The following CDC14A variants were observed in gnomAD, a reference collection of about 807,000 sequenced individuals.
The protein encoded by CDC14A is dual specificity protein phosphatase CDC14A.
In CDC14A, 53 loss-of-function variants were observed where a neutral mutation model predicts 74.4. The observed-to-expected ratio is 0.71, with a 90% CI of 0.57 to 0.89. The LOEUF is 0.89. Ranked by LOEUF, CDC14A falls within the 40% of genes least tolerant of loss-of-function variation. The pLI is 0.00. For synonymous variants in CDC14A, 247 were observed against 258.4 expected, an observed-to-expected ratio of 0.96 and a Z score of 0.43; for missense variants, 646 against 713.7, an observed-to-expected ratio of 0.91 and a Z score of 1.08.
At chr1:100,345,892 G>T (rs1392651646) in intron 1 of CDC14A, among the ~76,000 whole-genome samples, 1 of 152,164 alleles carries the variant, frequency 6.6e-6, no homozygotes. Flanking sequence ...TTAGATTACG[G>T]CTGGGGGTGG....
At chr1:100,474,511 TTGAA>T (rs999593378) in intron 10 of CDC14A, among the ~76,000 whole-genome samples, 3 of 152,150 alleles carry the variant, frequency 2.0e-5, no homozygotes, top group Admixed American at 1.3e-4. Flanking sequence ...ATAAGGCTAT[TTGAA>T]TAATCCATTT....
chr1:100,434,378 A>G (rs1664070795), intron 5 of CDC14A, among the ~76,000 whole-genome samples: 1 of 152,334 alleles, frequency 6.6e-6, no homozygotes, highest in Non-Finnish European at 1.5e-5. Context: ...AGATGGGGCC[A>G]GATACCCCCA....
intron 12 of CDC14A, among the ~76,000 whole-genome samples, chr1:100,495,192 A>C (rs543408971): frequency 8.5e-5 from 13 of 152,292 alleles, no homozygotes; most frequent in Admixed American, 5.9e-4. Context: ...CTCTGTTTCA[A>C]ATTCTGTTTG....
chr1:100,384,075 TCC>T (rs1344832286), intron 3 of CDC14A, among the ~76,000 whole-genome samples: 1 of 152,204 alleles, frequency 6.6e-6, no homozygotes, highest in African/African-American at 2.4e-5. Flanking sequence ...TTTTTCTCTC[TCC>T]AAGTTGCTGT....
intron 6 of CDC14A, among the ~76,000 whole-genome samples, chr1:100,441,318 C>CA (rs1468699530): frequency 6.6e-6 from 1 of 152,200 alleles, no homozygotes; most frequent in East Asian, 1.9e-4. Flanking sequence ...GATTGTGCAG[C>CA]ATGTCTTTAA....
At chr1:100,407,687 CT>C (rs1660135610) in intron 4 of CDC14A, among the ~76,000 whole-genome samples, 1 of 152,146 alleles carries the variant, frequency 6.6e-6, no homozygotes, top group Non-Finnish European at 1.5e-5. Flanking sequence ...TTTGAATACC[CT>C]TTATTTCTTT....
intron 2 of CDC14A, among the ~76,000 whole-genome samples, chr1:100,372,924 C>A (rs1288501362): frequency 1.3e-5 from 2 of 152,216 alleles, no homozygotes; most frequent in Non-Finnish European, 2.9e-5. Context: ...TGGCTGGTTT[C>A]ATCTTCTATC....
intron 7 of CDC14A, among the ~76,000 whole-genome samples, chr1:100,453,929 G>A (rs1200838103): frequency 2.6e-5 from 4 of 152,030 alleles, no homozygotes; most frequent in East Asian, 1.9e-4. Flanking sequence ...GGCGCGAGCC[G>A]CCACGCCCAG....
In CDC14A at chr1:100,435,823, TAAA is replaced by T. The variant is rs10545372; in HGVS notation, c.390-4087_390-4085del. ...TGGGCTACAAGAGTGAGACTTCGTC[TAAA>T]AAAAAAAAAAAAAAAAAAAAAGGAA... On this transcript the variant is annotated intron_variant, in intron 5 of 15. Coordinates refer to ENST00000336454, the MANE Select transcript of CDC14A (RefSeq NM_003672.4). Among the ~76,000 whole-genome samples, 420 of 97,912 alleles carry T rather than the reference TAAA, an allele frequency of 4.3e-3. 1 individual carries two copies. The South Asian group carries it at 0.047, about 11-fold the overall frequency. 64.2% of individuals were successfully genotyped at this position (97,912 alleles called of 152,430 possible).
In CDC14A at chr1:100,462,826, A is replaced by C. The variant is rs759566147; in HGVS notation, c.783A>C (p.Arg261=). Reference sequence around the variant, plus strand: ...GCACACCCAGTGACAACATCGTGCGAAGGTTCCTGAACATCTGTGAGAACA... The same window carrying C: ...GCACACCCAGTGACAACATCGTGCGCAGGTTCCTGAACATCTGTGAGAACA... ...DGSTPSDNIV[R]RFLNICENTE... The change falls in exon 9 of 16, where the codon CGA becomes CGC. Residue 261 remains arginine, a synonymous_variant. Transcript: ENST00000336454. The C allele has an allele frequency of 3.7e-6, 6 of 1,613,982 alleles. No homozygotes were observed. Among genetic ancestry groups the C allele is most frequent in the Non-Finnish European group, 1.7e-6 (2 of 1,180,004 alleles).
chr1:100,375,340 T>G (rs1464620079), intron 2 of CDC14A, among the ~76,000 whole-genome samples: 1 of 152,234 alleles, frequency 6.6e-6, no homozygotes, highest in Non-Finnish European at 1.5e-5. Context: ...GTGTAAGGCT[T>G]TGATTGCTGG....
intron 10 of CDC14A, among the ~76,000 whole-genome samples, chr1:100,481,546 A>C (rs1395162161): frequency 6.6e-6 from 1 of 152,198 alleles, no homozygotes; most frequent in Non-Finnish European, 1.5e-5. Flanking sequence ...CTAGATCAGA[A>C]TCAACTGTAA....
At chr1:100,437,815 G>A (rs560423083) in intron 5 of CDC14A, among the ~76,000 whole-genome samples, 1 of 152,188 alleles carries the variant, frequency 6.6e-6, no homozygotes, top group East Asian at 1.9e-4. Context: ...GCTGAGTCTA[G>A]GGGTGGGAAG....
intron 2 of CDC14A, 95 bp downstream of exon 2, chr1:100,353,947 C>T (rs1651515380): frequency 2.9e-6 from 2 of 696,654 alleles, no homozygotes; most frequent in Admixed American, 2.5e-5. Context: ...TATTCATTTC[C>T]CCCCCAATGA....
intron 3 of CDC14A, among the ~76,000 whole-genome samples, chr1:100,385,757 G>C (rs1656759980): frequency 6.6e-6 from 1 of 152,152 alleles, no homozygotes; most frequent in African/African-American, 2.4e-5. Flanking sequence ...TTATGTGTCT[G>C]ATTAAACTGG....
In CDC14A at chr1:100,499,138, G is replaced by A; in HGVS notation, c.1631G>A (p.Gly544Glu). The change falls in exon 15 of 16, where the codon GGG (glycine) becomes GAG (glutamate). Residue 544 changes from glycine (G) to glutamate (E), a missense_variant. Transcript: ENST00000336454. ...TACAACAGAAGCAGCAACAGCAACG[G>A]GGGCAACCTGAACAGCCCCCCAGGC... ...NQYNRSSNSN[G>E]GNLNSPPGPH... 1 of 1,614,090 alleles carries A rather than the reference G, an allele frequency of 6.2e-7. No individual in the cohort carries two copies. Among genetic ancestry groups the A allele is most frequent in the Non-Finnish European group, 8.5e-7 (1 of 1,180,020 alleles).
At chr1:100,428,723 G>A (rs2101091831) in intron 5 of CDC14A, among the ~76,000 whole-genome samples, 1 of 152,242 alleles carries the variant, frequency 6.6e-6, no homozygotes, top group East Asian at 1.9e-4. Context: ...AACAGTATTT[G>A]TGAAAATTTA....
intron 7 of CDC14A, among the ~76,000 whole-genome samples, chr1:100,447,791 T>C (rs1665717398): frequency 6.6e-6 from 1 of 152,204 alleles, no homozygotes; most frequent in Non-Finnish European, 1.5e-5. Context: ...GTGGCACCCA[T>C]ATACAGAGTC....
At chr1:100,416,753 A>G (rs1019852413) in intron 4 of CDC14A, among the ~76,000 whole-genome samples, 5 of 152,204 alleles carry the variant, frequency 3.3e-5, no homozygotes, top group Admixed American at 3.3e-4. Flanking sequence ...TGTGCTAGAT[A>G]TAATTTTGAG....
Sources: allele counts gnomAD v4.1 joint callset (sites outside exome capture counted in the v4.1 genomes callset), GRCh38; gene constraint gnomAD v4.1.1; transcripts MANE v1.5; gene names NCBI Gene and HGNC (gene_info 2026-07-23, HGNC 2026-07-21).